DMD: variants seen among roughly 807,000 people sequenced by gnomAD.
The protein encoded by DMD is dystrophin, also known as mutant dystrophin.
Under a neutral mutation model 330.1 loss-of-function variants are expected in DMD, and 63 were observed. That is an observed-to-expected ratio of 0.19 (90% CI 0.16 to 0.24). The LOEUF (loss-of-function observed/expected upper bound fraction) is 0.24, where lower values mean the gene tolerates loss of function less well. DMD is among the 10% of genes least tolerant of loss of function. DMD has a pLI of 1.00. For synonymous variants in DMD, 1,223 were observed against 959.8 expected, an observed-to-expected ratio of 1.27 and a Z score of -5.07; for missense variants, 3,344 against 2,684.1, an observed-to-expected ratio of 1.25 and a Z score of -5.43.
intron 7 of DMD, among the ~76,000 whole-genome samples, chrX:32,739,398 C>T (rs966977745): frequency 1.8e-5 from 2 of 111,242 alleles, no homozygotes; most frequent in East Asian, 2.8e-4. Context: ...TCTATGAGTG[C>T]GCTTGAAAAC....
At chrX:32,898,240 T>G (rs1378338899) in intron 2 of DMD, among the ~76,000 whole-genome samples, 1 of 111,851 alleles carries the variant, frequency 8.9e-6, no homozygotes, top group African/African-American at 3.3e-5. Flanking sequence ...GCTCTGAGTA[T>G]CATGCTACAC....
At chrX:32,212,588 T>A (rs1295571713) in intron 44 of DMD, among the ~76,000 whole-genome samples, 2 of 111,996 alleles carry the variant, frequency 1.8e-5, no homozygotes, top group African/African-American at 6.5e-5. Flanking sequence ...GAGTCCAGCA[T>A]TTAACCACTT....
chrX:31,874,236 GA>G (rs1227274800), intron 48 of DMD, among the ~76,000 whole-genome samples: 1 of 111,322 alleles, frequency 9.0e-6, no homozygotes, highest in Non-Finnish European at 1.9e-5. Flanking sequence ...AAAGAAGAGA[GA>G]AAACCAAGAT....
intron 2 of DMD, among the ~76,000 whole-genome samples, chrX:32,990,024 T>C (rs1248690535): frequency 8.9e-6 from 1 of 111,974 alleles, no homozygotes; most frequent in Non-Finnish European, 1.9e-5. Flanking sequence ...TGTTTTTGTA[T>C]TAATTGTGCA....
At chrX:32,130,154 G>A (rs2096684443) in intron 44 of DMD, among the ~76,000 whole-genome samples, 1 of 110,495 alleles carries the variant, frequency 9.1e-6, no homozygotes, top group African/African-American at 3.3e-5. Flanking sequence ...GACACTGAAG[G>A]CTTACACAGG....
intron 52 of DMD, among the ~76,000 whole-genome samples, chrX:31,717,542 TTAG>T (rs2085153747): frequency 8.9e-6 from 1 of 112,031 alleles, no homozygotes; most frequent in Non-Finnish European, 1.9e-5. Flanking sequence ...CCTTCTCCTC[TTAG>T]TGGCTCCTAC....
intron 13 of DMD, among the ~76,000 whole-genome samples, chrX:32,578,181 G>C (rs1398124336): frequency 2.7e-5 from 3 of 109,282 alleles, no homozygotes; most frequent in African/African-American, 1.0e-4. Flanking sequence ...ATTAGGATTA[G>C]AAACCTCTTC....
chrX:33,150,476 T>C (rs760285844), intron 1 of DMD, among the ~76,000 whole-genome samples: 1 of 109,406 alleles, frequency 9.1e-6, no homozygotes, highest in East Asian at 2.9e-4. Flanking sequence ...GTATGTTTAG[T>C]AGAGTTGGGG....
chrX:33,031,253 G>C (rs1602902700), intron 1 of DMD, among the ~76,000 whole-genome samples: 1 of 108,897 alleles, frequency 9.2e-6, no homozygotes. Flanking sequence ...AGTTCTCCCA[G>C]GGGCAACCCT....
At chrX:33,140,183 T>C (rs1203103386) in intron 1 of DMD, among the ~76,000 whole-genome samples, 7 of 112,465 alleles carry the variant, frequency 6.2e-5, no homozygotes, top group African/African-American at 1.9e-4. Flanking sequence ...TTAATTTCTA[T>C]GAATTTCAAG....
intron 74 of DMD, among the ~76,000 whole-genome samples, chrX:31,155,334 A>G (rs1165018553): frequency 8.9e-6 from 1 of 112,899 alleles, no homozygotes; most frequent in East Asian, 2.8e-4. Flanking sequence ...AATGATATTT[A>G]TGAAATAAAG....
chrX:33,258,224 T>C (rs1218236550), intron 1 of DMD, among the ~76,000 whole-genome samples: 1 of 111,639 alleles, frequency 9.0e-6, no homozygotes, highest in Non-Finnish European at 1.9e-5. Context: ...TAGTTTGAAC[T>C]GTGAGTAACT....
chrX:33,278,307 G>C (rs1225621568), intron 1 of DMD, among the ~76,000 whole-genome samples: 2 of 110,935 alleles, frequency 1.8e-5, no homozygotes, highest in African/African-American at 6.6e-5. Context: ...TACCCAATAG[G>C]TAGCTTTTCA....
chrX:31,909,893 T>C (rs1392810038), intron 47 of DMD, among the ~76,000 whole-genome samples: 1 of 108,948 alleles, frequency 9.2e-6, no homozygotes, highest in African/African-American at 3.5e-5. Context: ...AAGAGAGAGA[T>C]TTTTATTTTT....
chrX:32,675,096 G>A (rs776327502), intron 9 of DMD, among the ~76,000 whole-genome samples: 4 of 111,355 alleles, frequency 3.6e-5, no homozygotes, highest in Non-Finnish European at 7.6e-5. Context: ...CTAGTTAATT[G>A]CTGTTAGTCA....
intron 7 of DMD, among the ~76,000 whole-genome samples, chrX:32,701,561 C>T (rs1328582625): frequency 1.8e-5 from 2 of 111,086 alleles, no homozygotes; most frequent in African/African-American, 3.3e-5. Flanking sequence ...TATACTTCAC[C>T]GTATCTTGAA....
intron 2 of DMD, among the ~76,000 whole-genome samples, chrX:32,993,971 T>C (rs2093047862): frequency 9.0e-6 from 1 of 111,006 alleles, no homozygotes; most frequent in Non-Finnish European, 1.9e-5. Context: ...TGTATTTTTA[T>C]GCTAAATTTG....
At chrX:32,412,968 A>T (rs1281274890) in intron 29 of DMD, among the ~76,000 whole-genome samples, 1 of 111,376 alleles carries the variant, frequency 9.0e-6, no homozygotes, top group Non-Finnish European at 1.9e-5. Flanking sequence ...GTAAAACTAC[A>T]GTTAAAGGCA....
At chrX:32,395,811 G>A (rs2098039861) in intron 30 of DMD, among the ~76,000 whole-genome samples, 2 of 111,060 alleles carry the variant, frequency 1.8e-5, no homozygotes, top group South Asian at 7.5e-4. Flanking sequence ...TTTAATGGGA[G>A]GAAAGACTGA....
Sources: allele counts gnomAD v4.1 joint callset (sites outside exome capture counted in the v4.1 genomes callset), GRCh38; gene constraint gnomAD v4.1.1; transcripts MANE v1.5; gene names NCBI Gene and HGNC (gene_info 2026-07-23, HGNC 2026-07-21).